The following MBOAT2 variants were observed in gnomAD, a reference collection of about 807,000 sequenced individuals.
MBOAT2 encodes membrane-bound glycerophospholipid O-acyltransferase 2.
In MBOAT2, 28 loss-of-function variants were observed where a neutral mutation model predicts 63.4. That is an observed-to-expected ratio of 0.44 (90% CI 0.33 to 0.61). MBOAT2 has a LOEUF of 0.61. Among genes scored for constraint, MBOAT2 ranks in the 20% least tolerant of loss-of-function variants. The probability of loss-of-function intolerance (pLI) is 0.03; values close to 1 mark genes in which losing one functional copy is unlikely to be tolerated. For missense variants in MBOAT2, 470 were observed against 605.8 expected, an observed-to-expected ratio of 0.78 and a Z score of 2.35; for synonymous variants, 211 against 215.6, an observed-to-expected ratio of 0.98 and a Z score of 0.19.
chr2:8,944,420 T>G (rs1199751557), intron 2 of MBOAT2, among the ~76,000 whole-genome samples: 1 of 152,206 alleles, frequency 6.6e-6, no homozygotes, highest in African/African-American at 2.4e-5. Flanking sequence ...TTTTTTTTCT[T>G]GAACCTCTAA....
chr2:8,868,217 C>A (rs1402815540), intron 9 of MBOAT2, among the ~76,000 whole-genome samples: 3 of 152,178 alleles, frequency 2.0e-5, no homozygotes, highest in African/African-American at 7.2e-5. Flanking sequence ...TATTCTGTAA[C>A]CTCTAGGAAA....
chr2:8,888,105 A>T (rs1663697360), intron 4 of MBOAT2, 32 bp from the exon 5 acceptor site: 1 of 1,585,628 alleles, frequency 6.3e-7, no homozygotes, highest in Admixed American at 1.7e-5. Flanking sequence ...TAGTGTTTTA[A>T]AAGAAGAAAG....
chr2:8,920,292 G>GA (rs1245137170), intron 3 of MBOAT2, among the ~76,000 whole-genome samples: 1 of 152,098 alleles, frequency 6.6e-6, no homozygotes, highest in Admixed American at 6.5e-5. Context: ...ACTGTGTATT[G>GA]AAAAAACTAT....
At chr2:8,921,896 C>T (rs1666597306) in intron 3 of MBOAT2, among the ~76,000 whole-genome samples, 1 of 152,136 alleles carries the variant, frequency 6.6e-6, no homozygotes, top group Non-Finnish European at 1.5e-5. Context: ...CTTCTTGGAT[C>T]CACAGATTAA....
At chr2:8,872,968 G>C in intron 8 of MBOAT2, 140 bp downstream of exon 8, 2 of 581,052 alleles carry the variant, frequency 3.4e-6, no homozygotes, top group Admixed American at 3.4e-5. Flanking sequence ...GAGTTGCGAG[G>C]GCTGTTTTTT....
At chr2:8,952,117 T>C (rs2103260792) in intron 2 of MBOAT2, among the ~76,000 whole-genome samples, 2 of 152,380 alleles carry the variant, frequency 1.3e-5, no homozygotes, top group East Asian at 3.9e-4. Context: ...TGGTATATTG[T>C]GTCTCTGTTT....
chr2:8,907,533 C>T (rs1424736397), intron 4 of MBOAT2, among the ~76,000 whole-genome samples: 1 of 152,180 alleles, frequency 6.6e-6, no homozygotes, highest in African/African-American at 2.4e-5. Flanking sequence ...ATCTACTGAT[C>T]CTGCTCATGA....
chr2:8,856,308 A>ACACACACACACAC lies in MBOAT2; in HGVS notation c.*2370_*2371insGTGTGTGTGTGTG, dbSNP rs141126063. On this transcript the variant is annotated 3_prime_UTR_variant, in exon 13 of 13. Transcript: ENST00000305997. This position sits in a 1 kb window ranked among gnomAD's most constrained non-coding sequence, Gnocchi z 4.2. ...AGGTGGCTAGATAGGCTGAACCAAA[A>ACACACACACACAC]AAAAACACACACACACACACACACA... is the stretch of plus-strand genomic sequence containing the variant. 2.4e-5 allele frequency: 3 copies of ACACACACACACAC among 127,084 alleles called. No individual in the cohort carries two copies. Among genetic ancestry groups the ACACACACACACAC allele is most frequent in the African/African-American group, 1.2e-4 (3 of 25,186 alleles). 7.9% of individuals were successfully genotyped at this position (127,084 alleles called of 1,614,324 possible). A position where few individuals can be genotyped will look rare whatever the true frequency, so the allele number is the denominator to read the frequency against.
At chr2:8,907,791 G>A (rs1422696996) in intron 4 of MBOAT2, among the ~76,000 whole-genome samples, 1 of 152,070 alleles carries the variant, frequency 6.6e-6, no homozygotes, top group African/African-American at 2.4e-5. Context: ...GGAGAAAAAG[G>A]TATTTCCTCT....
intron 4 of MBOAT2, among the ~76,000 whole-genome samples, chr2:8,893,258 T>C (rs1417126840): frequency 6.6e-6 from 1 of 152,106 alleles, no homozygotes; most frequent in Non-Finnish European, 1.5e-5. Context: ...ACCAAGGTTT[T>C]TGACCAGGGT....
At chr2:8,935,486 T>C (rs1667594295) in intron 3 of MBOAT2, among the ~76,000 whole-genome samples, 1 of 152,154 alleles carries the variant, frequency 6.6e-6, no homozygotes, top group East Asian at 1.9e-4. Flanking sequence ...GTGATAAATA[T>C]GACAGTATGA....
chr2:8,874,637 A>T (rs1662574996), intron 7 of MBOAT2, among the ~76,000 whole-genome samples: 1 of 152,204 alleles, frequency 6.6e-6, no homozygotes, highest in South Asian at 2.1e-4. Flanking sequence ...TCCCCTGCCC[A>T]GACCCAGAGT....
At chr2:8,934,011 G>T (rs1220679824) in intron 3 of MBOAT2, among the ~76,000 whole-genome samples, 2 of 152,062 alleles carry the variant, frequency 1.3e-5, no homozygotes, top group African/African-American at 4.8e-5. Flanking sequence ...GTATACAAAG[G>T]AATCTCAATC....
intron 8 of MBOAT2, among the ~76,000 whole-genome samples, chr2:8,870,738 A>T (rs1390971438): frequency 6.6e-6 from 1 of 152,240 alleles, no homozygotes; most frequent in African/African-American, 2.4e-5. Flanking sequence ...GCATGGAATA[A>T]CTTTATTGCC....
At chr2:8,877,342 C>A (rs1413640214) in intron 6 of MBOAT2, 129 bp from the exon 7 acceptor site, 2 of 861,840 alleles carry the variant, frequency 2.3e-6, no homozygotes, top group Admixed American at 3.1e-5. Context: ...TGTACCCATA[C>A]AATAAGAATT....
rs551801252 is a variant in MBOAT2, at chr2:8,936,169, C to A, written c.299+7018G>T. Among the ~76,000 whole-genome samples, 5 of 152,210 alleles carry A rather than the reference C, an allele frequency of 3.3e-5. No homozygotes were observed. In the South Asian group the frequency reaches 1.0e-3, roughly 32 times the overall value. ...GGTAGTTTGACTGTAAGCTTCATGA[C>A]GGGACAGAGTCTGTCTTTTTTATTC... On this transcript the variant is annotated intron_variant, in intron 3 of 12. Coordinates refer to ENST00000305997, the MANE Select transcript of MBOAT2 (RefSeq NM_138799.4).
At chr2:8,893,883 C>G (rs1321402011) in intron 4 of MBOAT2, among the ~76,000 whole-genome samples, 2 of 152,074 alleles carry the variant, frequency 1.3e-5, no homozygotes, top group Non-Finnish European at 2.9e-5. Context: ...GAAGAAAGAA[C>G]AGGTGAGAGG....
chr2:8,891,968 T>C (rs1209978350), intron 4 of MBOAT2, among the ~76,000 whole-genome samples: 1 of 152,162 alleles, frequency 6.6e-6, no homozygotes, highest in African/African-American at 2.4e-5. Context: ...TATTAAAAAA[T>C]TCAGCTGAAG....
At position 8,860,148 on chromosome 2, in the gene MBOAT2, A is replaced by G. The variant is rs1209947516; in HGVS notation, c.1337+465T>C. On this transcript the variant is annotated intron_variant, in intron 12 of 12. Coordinates refer to ENST00000305997, the MANE Select transcript of MBOAT2 (RefSeq NM_138799.4). Reference sequence around the variant, plus strand: ...GTTGCAGTGAGCCGAGCGAGATTGCACCACTGCACTCCAGCCTGGGCGACA... The same window carrying G: ...GTTGCAGTGAGCCGAGCGAGATTGCGCCACTGCACTCCAGCCTGGGCGACA... Among the ~76,000 whole-genome samples the G allele has an allele frequency of 2.0e-5, 3 of 152,076 alleles. No individual in the cohort carries two copies. The East Asian group carries it at 5.8e-4, about 29-fold the overall frequency.
Sources: allele counts gnomAD v4.1 joint callset (sites outside exome capture counted in the v4.1 genomes callset), GRCh38; gene constraint gnomAD v4.1.1; non-coding constraint Gnocchi (gnomAD v3.1); transcripts MANE v1.5; gene names NCBI Gene and HGNC (gene_info 2026-07-23, HGNC 2026-07-21).